Variants in CEMIP observed in about 807,000 individuals in gnomAD.
CEMIP encodes the protein cell migration-inducing and hyaluronan-binding protein.
CEMIP carries 105 observed loss-of-function variants against 156.9 expected under a neutral mutation model. The ratio of observed to expected loss-of-function variants is 0.67; its 90% CI spans 0.57 to 0.79. The LOEUF (loss-of-function observed/expected upper bound fraction) is 0.79, where lower values mean the gene tolerates loss of function less well. CEMIP is among the 30% of genes least tolerant of loss of function. CEMIP has a pLI of 0.00. For missense variants in CEMIP, 1,457 were observed against 1,769.4 expected (o/e 0.82, Z 3.17); for synonymous variants, 676 against 668.4 (o/e 1.01, Z -0.17).
intron 1 of CEMIP, among the ~76,000 whole-genome samples, chr15:80,827,944 C>T (rs1897075754): frequency 6.6e-6 from 1 of 152,218 alleles, no homozygotes; most frequent in African/African-American, 2.4e-5. Flanking sequence ...GAAACAGTCT[C>T]ATACCACCTC....
At chr15:80,855,394 G>C (rs1227585167) in intron 1 of CEMIP, among the ~76,000 whole-genome samples, 1 of 152,330 alleles carries the variant, frequency 6.6e-6, no homozygotes, top group South Asian at 2.1e-4. Flanking sequence ...ACTGGGAACT[G>C]AGCCGAGGAC....
At chr15:80,895,829 C>A (rs1899199855) in intron 11 of CEMIP, 40 bp from the exon 12 acceptor site, 1 of 1,605,758 alleles carries the variant, frequency 6.2e-7, no homozygotes, top group Non-Finnish European at 8.5e-7. Flanking sequence ...TTGCCAAGAG[C>A]AAAGGGCTCT....
intron 1 of CEMIP, among the ~76,000 whole-genome samples, chr15:80,792,325 A>AC (rs1896101885): frequency 6.6e-6 from 1 of 152,214 alleles, no homozygotes; most frequent in African/African-American, 2.4e-5. Context: ...ACCAGTTTGC[A>AC]TGCTGTCTAC....
chr15:80,833,069 C>T (rs1163068597), intron 1 of CEMIP, among the ~76,000 whole-genome samples: 1 of 152,238 alleles, frequency 6.6e-6, no homozygotes, highest in Admixed American at 6.5e-5. Context: ...GGAAGTTACA[C>T]TTCTGCTCCA....
intron 29 of CEMIP, 65 bp downstream of exon 29, chr15:80,947,130 G>C (rs1901591404): frequency 9.6e-7 from 1 of 1,036,708 alleles, no homozygotes; most frequent in Non-Finnish European, 1.5e-6. Context: ...CTGGCATGGA[G>C]GGTGCTGTCA....
At chr15:80,842,460 G>A (rs1300606235) in intron 1 of CEMIP, among the ~76,000 whole-genome samples, 8 of 152,086 alleles carry the variant, frequency 5.3e-5, no homozygotes, top group Non-Finnish European at 8.8e-5. Flanking sequence ...GGTTGGGTGC[G>A]GTGACTCACA....
Position 80,943,050 on chromosome 15 carries a change from C to G in CEMIP, c.3805C>G (p.Leu1269Val). The stretch of plus-strand genomic sequence containing the variant: ...CCACACGAGCTTCAGGAACTCCATT[C>G]TGCAAGGCATACCATGGCAGCTTTT... Reference protein sequence around the residue: ...VSHTSFRNSILQGIPWQLFNY... With the variant: ...VSHTSFRNSIVQGIPWQLFNY... Residue 1269 changes from leucine to valine, a missense_variant, in exon 28 of 30, where the codon CTG becomes GTG. By Grantham distance (32) the Leu-to-Val change is conservative (BLOSUM62 1). This residue lies in a region of CEMIP where 798 missense variants were observed against 980.1 expected (regional missense o/e 0.81). Transcript: ENST00000394685. 1 of 1,614,242 alleles carries G rather than the reference C, an allele frequency of 6.2e-7. No individual in the cohort carries two copies. The highest frequency in any genetic ancestry group is 8.5e-7 in the Non-Finnish European group (1 of 1,180,048).
intron 3 of CEMIP, among the ~76,000 whole-genome samples, chr15:80,877,530 C>G (rs1180578873): frequency 6.6e-6 from 1 of 152,220 alleles, no homozygotes; most frequent in Non-Finnish European, 1.5e-5. Context: ...GGCACTGGGG[C>G]TTGTTCTTGG....
chr15:80,908,291 T>C (rs1899891113), intron 13 of CEMIP, among the ~76,000 whole-genome samples: 1 of 152,162 alleles, frequency 6.6e-6, no homozygotes, highest in Non-Finnish European at 1.5e-5. Flanking sequence ...GAGCTCAAAC[T>C]AGCCCTCAGA....
chr15:80,827,646 TC>T (rs1897069404), intron 1 of CEMIP, among the ~76,000 whole-genome samples: 1 of 151,810 alleles, frequency 6.6e-6, no homozygotes, highest in Non-Finnish European at 1.5e-5. Context: ...ACAAAAAACT[TC>T]CCCCAGGAAA....
chr15:80,899,674 A>C (rs1022678189), intron 12 of CEMIP, among the ~76,000 whole-genome samples: 1 of 152,186 alleles, frequency 6.6e-6, no homozygotes, highest in African/African-American at 2.4e-5. Context: ...GCCATGGTGC[A>C]GTTAAGGGCT....
chr15:80,832,414 C>T (rs1056352901), intron 1 of CEMIP, among the ~76,000 whole-genome samples: 1 of 148,616 alleles, frequency 6.7e-6, no homozygotes, highest in Non-Finnish European at 1.5e-5. Context: ...GTGGGACTTG[C>T]TTGTGACCTG....
rs751637590 is a variant in CEMIP, at chr15:80,922,017, A to C, written c.2082A>C (p.Gly694=). The C allele has an allele frequency of 1.2e-6, 2 of 1,614,102 alleles. No individual in the cohort carries two copies. Among genetic ancestry groups the C allele is most frequent in the South Asian group, 1.1e-5 (1 of 91,080 alleles). Residue 694 remains glycine, a synonymous_variant, in exon 17 of 30, where the codon GGA becomes GGC. Transcript: ENST00000394685. ...GTGTCCTTCCCCAACAGGAAACTGG[A>C]TTTTGGTTTATTTTTCACCACGTAC... ...NCAAAGSEET[G]FWFIFHHVPT... is the part of the protein sequence containing the mutation.
At chr15:80,904,531 G>GACAA (rs1899710802) in intron 12 of CEMIP, among the ~76,000 whole-genome samples, 1 of 152,218 alleles carries the variant, frequency 6.6e-6, no homozygotes, top group Admixed American at 6.5e-5. Context: ...AGGTTCTGGA[G>GACAA]ATGGGAGATT....
intron 1 of CEMIP, among the ~76,000 whole-genome samples, chr15:80,870,526 G>T (rs970050603): frequency 1.3e-5 from 2 of 152,176 alleles, no homozygotes; most frequent in African/African-American, 4.8e-5. Flanking sequence ...GTCTCCCCTT[G>T]CTCTGCAGGT....
At chr15:80,876,409 T>G (rs973828083) in intron 3 of CEMIP, among the ~76,000 whole-genome samples, 11 of 152,230 alleles carry the variant, frequency 7.2e-5, no homozygotes, top group African/African-American at 2.7e-4. Flanking sequence ...AGTCCACTGA[T>G]GAGCAAGCCC....
intron 1 of CEMIP, among the ~76,000 whole-genome samples, chr15:80,840,153 AG>A (rs959885748): frequency 2.6e-5 from 4 of 152,196 alleles, no homozygotes; most frequent in Non-Finnish European, 4.4e-5. Context: ...AGGGGCTCGG[AG>A]GGTGGCCCCA....
chr15:80,810,803 ACCAT>A (rs59025609), intron 1 of CEMIP, among the ~76,000 whole-genome samples: 113,552 of 149,270 alleles, frequency 0.76, 45,665 homozygotes, highest in East Asian at 0.95. Context: ...TATCCATTCA[ACCAT>A]CCATCCATCC....
At chr15:80,789,399 G>A (rs1476608882) in intron 1 of CEMIP, among the ~76,000 whole-genome samples, 2 of 152,160 alleles carry the variant, frequency 1.3e-5, no homozygotes, top group Non-Finnish European at 2.9e-5. Flanking sequence ...CTCCGTAGTA[G>A]AATGTTTTGC....
Sources: allele counts gnomAD v4.1 joint callset (sites outside exome capture counted in the v4.1 genomes callset), GRCh38; gene constraint gnomAD v4.1.1; regional missense constraint gnomAD v4.1.1; transcripts MANE v1.5; gene names NCBI Gene and HGNC (gene_info 2026-07-23, HGNC 2026-07-21).